Variants in ZNF469 observed in about 807,000 individuals in gnomAD.
ZNF469 encodes zinc finger protein 469.
In ZNF469, 1 loss-of-function variant was observed where a neutral mutation model predicts 1.0. That is an observed-to-expected ratio of 1.00 (90% confidence interval 0.35 to 4.73). The LOEUF (loss-of-function observed/expected upper bound fraction) is 4.73. Ranked by LOEUF, ZNF469 falls within the 30% of genes most tolerant of loss-of-function variation. ZNF469 has a pLI of 0.16. For synonymous variants in ZNF469, 2,703 were observed against 2,363.4 expected, an observed-to-expected ratio of 1.14 and a Z score of -4.17; for missense variants, 6,100 against 5,356.3, an observed-to-expected ratio of 1.14 and a Z score of -4.33.
the ZNF469 span, among the ~76,000 whole-genome samples, chr16:88,227,161 C>A: frequency 6.6e-6 from 1 of 152,132 alleles, no homozygotes; most frequent in Admixed American, 6.5e-5. Flanking sequence ...CTGCAGGGAT[C>A]CCTGCGGCCA....
At chr16:88,130,325 C>A in the ZNF469 span, among the ~76,000 whole-genome samples, 156 of 152,226 alleles carry the variant, frequency 1.0e-3, 2 homozygotes, top group African/African-American at 3.7e-3. Flanking sequence ...ATAGTCAGTT[C>A]TGCCAAAACG....
chr16:88,360,825 C>A, the ZNF469 span, among the ~76,000 whole-genome samples: 1 of 152,164 alleles, frequency 6.6e-6, no homozygotes, highest in Non-Finnish European at 1.5e-5. Context: ...CAAAGGCAGT[C>A]CACCCCTGCC....
At chr16:88,359,538 C>G in the ZNF469 span, among the ~76,000 whole-genome samples, 2 of 152,224 alleles carry the variant, frequency 1.3e-5, no homozygotes, top group Non-Finnish European at 2.9e-5. Context: ...ATGTTGCGAA[C>G]TTTCTTAAAC....
the ZNF469 span, among the ~76,000 whole-genome samples, chr16:88,342,844 C>G: frequency 6.6e-6 from 1 of 152,256 alleles, no homozygotes; most frequent in African/African-American, 2.4e-5. Context: ...CGATACCCGT[C>G]AAGCCCTTGT....
the ZNF469 span, among the ~76,000 whole-genome samples, chr16:88,220,741 G>A: frequency 6.6e-6 from 1 of 152,104 alleles, no homozygotes; most frequent in African/African-American, 2.4e-5. Flanking sequence ...CAGGGCCTGA[G>A]CTCTGAGCCA....
At chr16:88,138,796 G>C in the ZNF469 span, among the ~76,000 whole-genome samples, 1 of 152,210 alleles carries the variant, frequency 6.6e-6, no homozygotes, top group Admixed American at 6.5e-5. Flanking sequence ...TTCCACTAAA[G>C]TCAGTAGCAA....
At chr16:88,131,630 T>A in the ZNF469 span, among the ~76,000 whole-genome samples, 1 of 152,340 alleles carries the variant, frequency 6.6e-6, no homozygotes, top group South Asian at 2.1e-4. Flanking sequence ...GGCTTGGGCA[T>A]CCTGTGAGGC....
At chr16:88,271,131 G>A in the ZNF469 span, among the ~76,000 whole-genome samples, 1 of 151,916 alleles carries the variant, frequency 6.6e-6, no homozygotes, top group African/African-American at 2.4e-5. Context: ...GCCTTATAGG[G>A]TTGTTGAAAG....
chr16:88,267,795 G>A, the ZNF469 span, among the ~76,000 whole-genome samples: 1 of 151,862 alleles, frequency 6.6e-6, no homozygotes, highest in Non-Finnish European at 1.5e-5. Flanking sequence ...TGCAGGTCGG[G>A]CTGTTTGGGA....
At chr16:88,203,061 G>T in the ZNF469 span, among the ~76,000 whole-genome samples, 2 of 152,188 alleles carry the variant, frequency 1.3e-5, no homozygotes, top group Non-Finnish European at 2.9e-5. Context: ...CGGGGGCCGT[G>T]AGTCAGGCTG....
chr16:88,145,820 T>C, the ZNF469 span, among the ~76,000 whole-genome samples: 151,913 of 152,364 alleles, frequency 1, 75,733 homozygotes, highest in Middle Eastern at 1. Flanking sequence ...CCCCTGCCGC[T>C]GGAGCCTCCT....
chr16:88,144,918 C>T, the ZNF469 span, among the ~76,000 whole-genome samples: 14 of 150,644 alleles, frequency 9.3e-5, no homozygotes, highest in Non-Finnish European at 1.5e-4. Flanking sequence ...GGTGTGATCT[C>T]GGCTCACTGC....
At chr16:88,358,511 C>G in the ZNF469 span, among the ~76,000 whole-genome samples, 1 of 152,034 alleles carries the variant, frequency 6.6e-6, no homozygotes, top group African/African-American at 2.4e-5. Flanking sequence ...GGAATCCTCC[C>G]TAGAGGCAGC....
chr16:88,408,535 A>G (rs1029478581), intron 1 of ZNF469, among the ~76,000 whole-genome samples: 1 of 152,218 alleles, frequency 6.6e-6, no homozygotes, highest in Non-Finnish European at 1.5e-5. Flanking sequence ...AATGAGAGGG[A>G]GGGGCTGTCA....
chr16:88,183,984 TC>T, the ZNF469 span, among the ~76,000 whole-genome samples: 1 of 151,790 alleles, frequency 6.6e-6, no homozygotes, highest in South Asian at 2.1e-4. Flanking sequence ...CCCAGCCCTT[TC>T]CCAGCTTTCT....
chr16:88,253,758 C>T, the ZNF469 span, among the ~76,000 whole-genome samples: 20 of 152,104 alleles, frequency 1.3e-4, no homozygotes, highest in African/African-American at 4.6e-4. Flanking sequence ...AGGGTAGTCT[C>T]GAACTCCTGA....
the ZNF469 span, among the ~76,000 whole-genome samples, chr16:88,304,776 G>C: frequency 6.6e-6 from 1 of 152,178 alleles, no homozygotes; most frequent in Non-Finnish European, 1.5e-5. Flanking sequence ...CTGCTGCTTT[G>C]AGGAATTTGT....
At chr16:88,389,250 G>A (rs1904417713) in intron 1 of ZNF469, among the ~76,000 whole-genome samples, 1 of 152,232 alleles carries the variant, frequency 6.6e-6, no homozygotes, top group African/African-American at 2.4e-5. Context: ...CGAGTACGTG[G>A]TTCCTACATC....
chr16:88,378,452 C>T (rs1038574980), upstream of ZNF469, among the ~76,000 whole-genome samples: 6 of 152,292 alleles, frequency 3.9e-5, no homozygotes, highest in East Asian at 9.7e-4. Flanking sequence ...CGCATCGTAA[C>T]GGGGAGAGGA....
Sources: gnomAD v4.1 joint callset for allele counts (sites outside exome capture counted in the v4.1 genomes callset) on GRCh38, gnomAD v4.1.1 for gene constraint, MANE v1.5 for transcripts, NCBI Gene and HGNC (gene_info 2026-07-23, HGNC 2026-07-21) for gene names.